The following ANKRD33B variants were observed in gnomAD, a reference collection of about 807,000 sequenced individuals.
ANKRD33B encodes the protein ankyrin repeat domain 33B, also known as ankyrin repeat domain-containing protein 33B.
Under a neutral mutation model 21.5 loss-of-function variants are expected in ANKRD33B, and 6 were observed. That is an observed-to-expected ratio of 0.28 (90% CI 0.15 to 0.55). The LOEUF (loss-of-function observed/expected upper bound fraction) is 0.55, where lower values mean the gene tolerates loss of function less well. Among genes scored for constraint, ANKRD33B ranks in the 20% least tolerant of loss-of-function variants. The pLI, the probability that ANKRD33B is intolerant of heterozygous loss-of-function variation, is 0.94. For missense variants in ANKRD33B, 698 were observed against 747.2 expected (o/e 0.93, Z 0.77); for synonymous variants, 347 against 342.4 (o/e 1.01, Z -0.15).
At position 10,626,711 on chromosome 5, in the gene ANKRD33B, C is replaced by T. The variant is rs111861933; in HGVS notation, c.496+8249C>T. 1.0e-3 allele frequency among the ~76,000 whole-genome samples: 156 copies of T among 152,218 alleles called. 3 individuals are homozygous for T. The highest frequency in any genetic ancestry group is 2.2e-4 in the Non-Finnish European group (15 of 68,042). On this transcript the variant is annotated intron_variant, in intron 2 of 3. Coordinates refer to ENST00000296657, the MANE Select transcript of ANKRD33B (RefSeq NM_001164440.2). ...TGCCACGGCTTCACGTTGCAACACTCAGGGACATCAAGGAAGAGGAGCAAA... is the reference window on the plus strand; with the variant it reads ...TGCCACGGCTTCACGTTGCAACACTTAGGGACATCAAGGAAGAGGAGCAAA...
chr5:10,633,051 G>C (rs186718489), intron 2 of ANKRD33B, among the ~76,000 whole-genome samples: 2 of 149,784 alleles, frequency 1.3e-5, no homozygotes, highest in Admixed American at 1.3e-4. Flanking sequence ...GCCTCCCAAA[G>C]TGCTAGGATT....
chr5:10,626,502 C>T lies in ANKRD33B; in HGVS notation c.496+8040C>T, dbSNP rs1736550600. On this transcript the variant is annotated intron_variant, in intron 2 of 3. Transcript: ENST00000296657. Reference sequence around the variant, plus strand: ...CCCAGCTCTCTTTTGAGCCTAGTACCTGTTAGGATGCTTTTGGCTTCAACC... The same window carrying T: ...CCCAGCTCTCTTTTGAGCCTAGTACTTGTTAGGATGCTTTTGGCTTCAACC... Among the ~76,000 whole-genome samples, 3 of 152,340 alleles carry T rather than the reference C, an allele frequency of 2.0e-5. No individual in the cohort carries two copies. In the South Asian group the frequency reaches 6.2e-4, roughly 32 times the overall value.
At chr5:10,603,398 G>A (rs571567140) in intron 1 of ANKRD33B, among the ~76,000 whole-genome samples, 1 of 151,758 alleles carries the variant, frequency 6.6e-6, no homozygotes, top group African/African-American at 2.4e-5. Flanking sequence ...GAGTAGCTCA[G>A]ATTATAGGTG....
chr5:10,642,959 CA>C lies in ANKRD33B; in HGVS notation c.637+4792del, dbSNP rs551548430. On this transcript the variant is annotated intron_variant, in intron 3 of 3. Transcript: ENST00000296657. The stretch of plus-strand genomic sequence containing the variant: ...TCACTCTGTCGCCCAGAGTGGAGTG[CA>C]GTGGCGCGATCTCGGTTCACTGCAA... Among the ~76,000 whole-genome samples the C allele has an allele frequency of 1.8e-3, 278 of 152,230 alleles. 2 individuals are homozygous for C. Among genetic ancestry groups the C allele is most frequent in the Admixed American group, 2.8e-3 (43 of 15,304 alleles).
chr5:10,641,235 T>C (rs1737052084), intron 3 of ANKRD33B, among the ~76,000 whole-genome samples: 1 of 143,310 alleles, frequency 7.0e-6, no homozygotes, highest in Non-Finnish European at 1.5e-5. Context: ...CTTTTTTTTT[T>C]TTTTTTTTTT....
chr5:10,564,076 T>C lies in ANKRD33B; in HGVS notation c.-392T>C, dbSNP rs2126538548. Among the ~76,000 whole-genome samples, 1 of 152,088 alleles carries C rather than the reference T, an allele frequency of 6.6e-6. No individual in the cohort carries two copies. Among genetic ancestry groups the C allele is most frequent in the South Asian group, 2.1e-4 (1 of 4,822 alleles). On this transcript the variant is annotated 5_prime_UTR_variant, in exon 1 of 4. Coordinates refer to ENST00000296657, the MANE Select transcript of ANKRD33B (RefSeq NM_001164440.2). Reference sequence around the variant, plus strand: ...ACTCGGGTTCGGCTTCTTTAGTGATTGCTTCTGCTTCTCCCGCGCCAGCTG... The same window carrying C: ...ACTCGGGTTCGGCTTCTTTAGTGATCGCTTCTGCTTCTCCCGCGCCAGCTG...
Position 10,564,427 on chromosome 5 carries a change from TGCCCGCGCCCCGGCCCCCG to T in ANKRD33B, c.-25_-7del, listed in dbSNP as rs1050147903. ...CGCGCGCCCCGCGTCCCGCTCTTCC[TGCCCGCGCCCCGGCCCCCG>T]GCCCGCGCCCCGGCCGCCGGCATGG... On this transcript the variant is annotated 5_prime_UTR_variant, in exon 1 of 4. Coordinates refer to ENST00000296657, the MANE Select transcript of ANKRD33B (RefSeq NM_001164440.2). 8.4e-5 allele frequency: 87 copies of T among 1,038,618 alleles called. 2 individuals carry two copies. Among genetic ancestry groups the T allele is most frequent in the East Asian group, 7.8e-4 (9 of 11,492 alleles). 64.3% of individuals were successfully genotyped at this position (1,038,618 alleles called of 1,614,324 possible). A position where few individuals can be genotyped will look rare whatever the true frequency, so the allele number is the denominator to read the frequency against.
chr5:10,571,317 T>C (rs1202301114), intron 1 of ANKRD33B, among the ~76,000 whole-genome samples: 1 of 152,224 alleles, frequency 6.6e-6, no homozygotes, highest in African/African-American at 2.4e-5. Context: ...TTGTCCTGCC[T>C]CAGCCTCCTG....
chr5:10,577,783 C>T (rs2962321), intron 1 of ANKRD33B, among the ~76,000 whole-genome samples: 136,710 of 152,284 alleles, frequency 0.9, 61,505 homozygotes, highest in East Asian at 0.99. Context: ...TGTTAGATAA[C>T]GGGCAGGTTT....
chr5:10,625,570 G>T (rs1372110188), intron 2 of ANKRD33B, among the ~76,000 whole-genome samples: 1 of 152,196 alleles, frequency 6.6e-6, no homozygotes, highest in Non-Finnish European at 1.5e-5. Context: ...GGGGATGTGT[G>T]GCTCATGCCC....
rs1040436646 is a variant in ANKRD33B, at chr5:10,654,392, G to C, written c.*4279G>C. 1 of 152,342 alleles carries C rather than the reference G, an allele frequency of 6.6e-6. No homozygotes were observed. Among genetic ancestry groups the C allele is most frequent in the East Asian group, 1.9e-4 (1 of 5,334 alleles). The allele number at this position is 152,342 out of a possible 1,614,324, so 9.4% of individuals were successfully genotyped here. The stretch of plus-strand genomic sequence containing the variant: ...TAGATAGTGAATTTCAAGTTGACAG[G>C]TACCTTCTCAGGGATTTATATATAA... On this transcript the variant is annotated 3_prime_UTR_variant, in exon 4 of 4. Coordinates refer to ENST00000296657, the MANE Select transcript of ANKRD33B (RefSeq NM_001164440.2).
At chr5:10,587,582 A>G (rs1735593605) in intron 1 of ANKRD33B, among the ~76,000 whole-genome samples, 1 of 151,566 alleles carries the variant, frequency 6.6e-6, no homozygotes, top group African/African-American at 2.4e-5. Flanking sequence ...ATGAAAAAAA[A>G]AAGAGAAGTA....
chr5:10,648,300 G>A lies in ANKRD33B; in HGVS notation c.638-966G>A, dbSNP rs10042984. ...TTCCCACAGTCCAGGACCCATGGCA[G>A]TCCTCAAGAGTGAGACCACAGCTGG... On this transcript the variant is annotated intron_variant, in intron 3 of 3. Transcript: ENST00000296657. Among the ~76,000 whole-genome samples, 197 of 152,358 alleles carry A rather than the reference G, an allele frequency of 1.3e-3. 1 individual carries two copies. Among genetic ancestry groups the A allele is most frequent in the African/African-American group, 4.4e-3 (185 of 41,588 alleles).
intron 1 of ANKRD33B, among the ~76,000 whole-genome samples, chr5:10,584,218 AG>A (rs1226029047): frequency 6.6e-6 from 1 of 152,228 alleles, no homozygotes; most frequent in Non-Finnish European, 1.5e-5. Flanking sequence ...TAACACTTCA[AG>A]CAGGCACTTT....
rs1369461068 is a variant in ANKRD33B, at chr5:10,655,193, CGGTGACCA to C, written c.*5084_*5091del. The C allele has an allele frequency of 6.6e-6, 1 of 152,338 alleles. No homozygotes were observed. The highest frequency in any genetic ancestry group is 1.5e-5 in the Non-Finnish European group (1 of 68,064). 9.4% of individuals were successfully genotyped at this position (152,338 alleles called of 1,614,324 possible). On this transcript the variant is annotated 3_prime_UTR_variant, in exon 4 of 4. Coordinates refer to ENST00000296657, the MANE Select transcript of ANKRD33B (RefSeq NM_001164440.2). ...TGCCCGCTTCTCTCCCTGCTGTTGG[CGGTGACCA>C]GGTCTCAGGAGCGGAGACGAGGCTG... is the stretch of plus-strand genomic sequence containing the variant.
intron 1 of ANKRD33B, among the ~76,000 whole-genome samples, chr5:10,582,583 C>T (rs1433148781): frequency 1.3e-5 from 2 of 152,218 alleles, no homozygotes; most frequent in Non-Finnish European, 2.9e-5. Context: ...CCCTGCAGGG[C>T]TCCTCCCAAC....
chr5:10,624,326 C>T (rs1736493711), intron 2 of ANKRD33B, among the ~76,000 whole-genome samples: 1 of 152,114 alleles, frequency 6.6e-6, no homozygotes, highest in African/African-American at 2.4e-5. Context: ...GGCGGGGTTT[C>T]ACCATGTAGG....
At chr5:10,632,702 C>T (rs1238767812) in intron 2 of ANKRD33B, among the ~76,000 whole-genome samples, 3 of 152,350 alleles carry the variant, frequency 2.0e-5, no homozygotes, top group East Asian at 1.9e-4. Context: ...CACACCAGGC[C>T]GCACAGCCAG....
intron 1 of ANKRD33B, among the ~76,000 whole-genome samples, chr5:10,577,729 G>A (rs918924966): frequency 1.3e-5 from 2 of 152,230 alleles, no homozygotes; most frequent in Non-Finnish European, 2.9e-5. Flanking sequence ...ACATAGCTCC[G>A]CAGTCAGTTT....
Sources: allele counts gnomAD v4.1 joint callset (sites outside exome capture counted in the v4.1 genomes callset), GRCh38; gene constraint gnomAD v4.1.1; transcripts MANE v1.5; gene names NCBI Gene and HGNC (gene_info 2026-07-23, HGNC 2026-07-21).